The following KLHL4 variants were observed in gnomAD, a reference collection of about 807,000 sequenced individuals.
KLHL4 encodes the protein kelch-like protein 4.
KLHL4 carries 17 observed loss-of-function variants against 45.8 expected under a neutral mutation model. The observed-to-expected ratio is 0.37, with a 90% CI of 0.25 to 0.56. The LOEUF (loss-of-function observed/expected upper bound fraction) is 0.56. Among genes scored for constraint, KLHL4 ranks in the 20% least tolerant of loss-of-function variants. The pLI, the probability that KLHL4 is intolerant of heterozygous loss-of-function variation, is 0.79. For missense variants in KLHL4, 544 were observed against 544.9 expected (o/e 1.00, Z 0.02); for synonymous variants, 224 against 189.9 (o/e 1.18, Z -1.47).
chrX:87,623,855 G>T (rs1482802049), intron 5 of KLHL4, among the ~76,000 whole-genome samples: 1 of 111,434 alleles, frequency 9.0e-6, no homozygotes, highest in African/African-American at 3.3e-5. Context: ...TTGGGTGAAG[G>T]TATACACTTA....
intron 1 of KLHL4, among the ~76,000 whole-genome samples, chrX:87,589,071 GATC>G (rs1361210716): frequency 8.9e-6 from 1 of 111,760 alleles, no homozygotes; most frequent in Non-Finnish European, 1.9e-5. Flanking sequence ...CAACATCATT[GATC>G]ATCAGAGAAA....
rs1375949139 is a variant in KLHL4, at chrX:87,667,594, A to T, written c.*1060A>T. The T allele has an allele frequency of 1.6e-6, 1 of 608,109 alleles. No individual in the cohort carries two copies. Among genetic ancestry groups the T allele is most frequent in the Non-Finnish European group, 2.0e-6 (1 of 507,560 alleles). The allele number at this position is 608,109 out of a possible 1,213,427, so 50.1% of individuals were successfully genotyped here. A position where few individuals can be genotyped will look rare whatever the true frequency, so the allele number is the denominator to read the frequency against. ...ATGTTAGGATATGTGTGCTATATAAAAAAAAAAAAAGACTTGTTAAGTTTT... is the reference window on the plus strand; with the variant it reads ...ATGTTAGGATATGTGTGCTATATAATAAAAAAAAAAGACTTGTTAAGTTTT... On this transcript the variant is annotated 3_prime_UTR_variant, in exon 11 of 11. Coordinates refer to ENST00000373119, the MANE Select transcript of KLHL4 (RefSeq NM_019117.5).
intron 1 of KLHL4, among the ~76,000 whole-genome samples, chrX:87,574,317 A>G (rs759472483): frequency 9.0e-6 from 1 of 111,658 alleles, no homozygotes; most frequent in African/African-American, 3.2e-5. Context: ...TTCATGAGTA[A>G]TTCTAATCTA....
chrX:87,572,671 C>T (rs1312876398), intron 1 of KLHL4, among the ~76,000 whole-genome samples: 2 of 110,124 alleles, frequency 1.8e-5, no homozygotes, highest in Non-Finnish European at 3.8e-5. Context: ...TTACCTGGCA[C>T]TTAGCATCAA....
chrX:87,553,534 C>T (rs1931885938), intron 1 of KLHL4, among the ~76,000 whole-genome samples: 1 of 110,589 alleles, frequency 9.0e-6, no homozygotes, highest in South Asian at 3.7e-4. Context: ...TCTTCATGTA[C>T]AGGTAAACCT....
chrX:87,550,657 A>G (rs779407957), intron 1 of KLHL4, among the ~76,000 whole-genome samples: 1 of 111,773 alleles, frequency 8.9e-6, no homozygotes, highest in South Asian at 3.7e-4. Flanking sequence ...AAAATCCACC[A>G]TGATTAAATG....
intron 1 of KLHL4, among the ~76,000 whole-genome samples, chrX:87,575,228 G>A (rs892450977): frequency 4.5e-5 from 5 of 111,574 alleles, no homozygotes; most frequent in South Asian, 3.8e-4. Context: ...GGTGAGTGGC[G>A]GACAAGTGAG....
At chrX:87,631,417 C>A (rs1012812693) in intron 6 of KLHL4, among the ~76,000 whole-genome samples, 2 of 112,052 alleles carry the variant, frequency 1.8e-5, no homozygotes, top group South Asian at 3.7e-4. Context: ...ACCAAGGATT[C>A]TTTTGACCTC....
At chrX:87,586,399 A>C (rs1015489331) in intron 1 of KLHL4, among the ~76,000 whole-genome samples, 4 of 111,034 alleles carry the variant, frequency 3.6e-5, no homozygotes, top group African/African-American at 1.3e-4. Context: ...TAAAACATTC[A>C]AAAAAAACCT....
At chrX:87,604,144 C>T (rs1433277530) in intron 1 of KLHL4, among the ~76,000 whole-genome samples, 1 of 110,555 alleles carries the variant, frequency 9.0e-6, no homozygotes, top group Non-Finnish European at 1.9e-5. Context: ...AATTGTTGGA[C>T]ACTTGAGTTT....
intron 1 of KLHL4, among the ~76,000 whole-genome samples, chrX:87,585,791 G>T (rs144949735): frequency 8.1e-4 from 90 of 110,952 alleles, no homozygotes; most frequent in Middle Eastern, 4.7e-3. Context: ...AACATTGAAT[G>T]TAAATGGACT....
intron 9 of KLHL4, among the ~76,000 whole-genome samples, chrX:87,654,491 G>A (rs200498793): frequency 1.7e-4 from 4 of 23,043 alleles, no homozygotes; most frequent in African/African-American, 5.0e-4. Flanking sequence ...GTATGTATAT[G>A]TGTGTGTGTG....
In KLHL4 at chrX:87,628,287, T is replaced by C. The variant is rs754320479; in HGVS notation, c.1324+2491T>C. Among the ~76,000 whole-genome samples, 168 of 110,803 alleles carry C rather than the reference T, an allele frequency of 1.5e-3. 2 individuals carry two copies. The highest frequency in any genetic ancestry group is 5.5e-3 in the African/African-American group (167 of 30,566). On this transcript the variant is annotated intron_variant, in intron 6 of 10. Coordinates refer to ENST00000373119, the MANE Select transcript of KLHL4 (RefSeq NM_019117.5). ...ATGAAATTCTTATTCAAATATGATG[T>C]TCCTTTTTCTACACTGCCACTATTA...
At chrX:87,648,207 A>G (rs113033376) in intron 9 of KLHL4, among the ~76,000 whole-genome samples, 5,962 of 111,174 alleles carry the variant, frequency 0.054, 391 homozygotes, top group African/African-American at 0.18. Context: ...ATAGTTAAAT[A>G]ATATTAACCT....
In KLHL4 at chrX:87,635,560, T is replaced by C; in HGVS notation, c.1713-3T>C. 3 of 1,200,165 alleles carry C rather than the reference T, an allele frequency of 2.5e-6. No individual in the cohort carries two copies. The highest frequency in any genetic ancestry group is 3.4e-6 in the Non-Finnish European group (3 of 885,616). ...ATACACACAATTCTGTCTTTTTATC[T>C]AGATTATATGCTATTGGTGGACGTG... On this transcript the variant is annotated splice_region_variant and splice_polypyrimidine_tract_variant and intron_variant, in intron 8 of 10. Coordinates refer to ENST00000373119, the MANE Select transcript of KLHL4 (RefSeq NM_019117.5).
chrX:87,565,968 G>T (rs768041602), intron 1 of KLHL4, among the ~76,000 whole-genome samples: 2 of 110,228 alleles, frequency 1.8e-5, no homozygotes, highest in Admixed American at 9.7e-5. Context: ...GTTGAGGGGT[G>T]GGGGGCGAGA....
intron 1 of KLHL4, among the ~76,000 whole-genome samples, chrX:87,581,279 A>T (rs1329061999): frequency 8.9e-6 from 1 of 112,568 alleles, no homozygotes; most frequent in Non-Finnish European, 1.9e-5. Context: ...TGGGCATCTC[A>T]GCCAGTCTAG....
At chrX:87,651,678 C>T (rs1478570371) in intron 9 of KLHL4, among the ~76,000 whole-genome samples, 5 of 112,475 alleles carry the variant, frequency 4.4e-5, no homozygotes, top group Non-Finnish European at 9.4e-5. Context: ...GGTGGGTTCC[C>T]ATGGTCTTGG....
chrX:87,636,056 AT>A (rs1187804404), intron 9 of KLHL4, among the ~76,000 whole-genome samples: 3 of 111,399 alleles, frequency 2.7e-5, no homozygotes, highest in Non-Finnish European at 5.7e-5. Flanking sequence ...GTTTAATTAC[AT>A]TTTTAAACAA....
Sources: allele counts gnomAD v4.1 joint callset (sites outside exome capture counted in the v4.1 genomes callset), GRCh38; gene constraint gnomAD v4.1.1; transcripts MANE v1.5; gene names NCBI Gene and HGNC (gene_info 2026-07-23, HGNC 2026-07-21).